The following TRIM37 variants were observed in gnomAD, a reference collection of about 807,000 sequenced individuals.
The protein encoded by TRIM37 is E3 ubiquitin-protein ligase TRIM37.
In TRIM37, 80 loss-of-function variants were observed where a neutral mutation model predicts 129.8. That is an observed-to-expected ratio of 0.62 (90% CI 0.51 to 0.74). The LOEUF is 0.74. Among genes scored for constraint, TRIM37 ranks in the 30% least tolerant of loss-of-function variants. TRIM37 has a pLI of 0.00. For synonymous variants in TRIM37, 389 were observed against 387.1 expected (o/e 1.00, Z -0.06); for missense variants, 1,054 against 1,176.5 (o/e 0.90, Z 1.52).
At chr17:59,025,980 T>TA (rs1364512719) in intron 19 of TRIM37, among the ~76,000 whole-genome samples, 1 of 152,228 alleles carries the variant, frequency 6.6e-6, no homozygotes, top group Non-Finnish European at 1.5e-5. Context: ...TTCCTTATAT[T>TA]AAGAGAATTC....
intron 9 of TRIM37, among the ~76,000 whole-genome samples, chr17:59,064,856 A>T (rs774652468): frequency 2.6e-5 from 4 of 152,232 alleles, no homozygotes; most frequent in Middle Eastern, 3.4e-3. Flanking sequence ...GGTTGCGGTG[A>T]TTCGAGATTG....
downstream of TRIM37, chr17:58,981,164 T>C: frequency 1.5e-6 from 1 of 663,862 alleles, no homozygotes; most frequent in Non-Finnish European, 2.5e-6. Context: ...TAAATGTAAA[T>C]AGATCTCTAG....
the TRIM37 span, chr17:58,969,776 C>T: frequency 5.7e-6 from 9 of 1,570,676 alleles, no homozygotes; most frequent in East Asian, 2.2e-5. Flanking sequence ...TAGCTGAGCT[C>T]AATTTGGTCT....
intron 13 of TRIM37, among the ~76,000 whole-genome samples, chr17:59,055,685 CAAAAAAA>C (rs934273591): frequency 8.4e-5 from 2 of 23,854 alleles, no homozygotes; most frequent in East Asian, 3.0e-3. Flanking sequence ...GACTCCATCT[CAAAAAAA>C]AAAAAAAAAA....
chr17:59,083,811 G>A (rs1235557559), intron 5 of TRIM37, among the ~76,000 whole-genome samples, 191 bp downstream of exon 5: 1 of 152,070 alleles, frequency 6.6e-6, no homozygotes, highest in Admixed American at 6.6e-5. Flanking sequence ...TTTACATAAG[G>A]GGTCCATCAA....
At chr17:59,080,893 A>G (rs2043199227) in intron 6 of TRIM37, among the ~76,000 whole-genome samples, 1 of 152,188 alleles carries the variant, frequency 6.6e-6, no homozygotes, top group South Asian at 2.1e-4. Context: ...TCTGACTCCA[A>G]CTGCTTCCTT....
At chr17:59,041,175 AAC>A (rs2054056516) in intron 17 of TRIM37, among the ~76,000 whole-genome samples, 1 of 152,234 alleles carries the variant, frequency 6.6e-6, no homozygotes, top group Non-Finnish European at 1.5e-5. Context: ...TAGATCCGAG[AAC>A]ACACAAAAAA....
At chr17:59,084,189 T>G in intron 4 of TRIM37, 100 bp from the exon 5 acceptor site, 2 of 885,886 alleles carry the variant, frequency 2.3e-6, no homozygotes, top group Non-Finnish European at 3.6e-6. Flanking sequence ...TTTAAATGAT[T>G]ATATCTCAAG....
In TRIM37 at chr17:59,088,385, G is replaced by C; in HGVS notation, c.187C>G (p.Leu63Val). Residue 63 changes from leucine to valine, a missense_variant, in exon 4 of 24, where the codon CTA becomes GTA. Transcript: ENST00000262294. ...HCRAPLQLRE[L>V]VNCRWAEEVT... is the part of the protein sequence containing the mutation. ...TCTTCTGCCCAACGACAATTTACTA[G>C]TTCTCGTAGCTGGAGTGGAGCACTG... The C allele has an allele frequency of 6.2e-7, 1 of 1,613,014 alleles. No individual in the cohort carries two copies. Among genetic ancestry groups the C allele is most frequent in the Middle Eastern group, 1.6e-4 (1 of 6,062 alleles).
At position 58,998,341 on chromosome 17, in the gene TRIM37, T is replaced by C; in HGVS notation, c.*1036A>G. On this transcript the variant is annotated 3_prime_UTR_variant, in exon 24 of 24. Transcript: ENST00000262294. ...AGTAAAATACAGCAGATGAGATGTC[T>C]CTCACATGTATATTTAATTATTCAT... 1.0e-6 allele frequency: 1 copy of C among 985,416 alleles called. No individual in the cohort carries two copies. Among genetic ancestry groups the C allele is most frequent in the African/African-American group, 1.7e-5 (1 of 57,382 alleles). The allele number at this position is 985,416 out of a possible 1,614,324, so 61.0% of individuals were successfully genotyped here. A position where few individuals can be genotyped will look rare whatever the true frequency, so the allele number is the denominator to read the frequency against.
chr17:59,041,504 T>A (rs1003952358), intron 17 of TRIM37, among the ~76,000 whole-genome samples: 1 of 152,212 alleles, frequency 6.6e-6, no homozygotes, highest in Non-Finnish European at 1.5e-5. Flanking sequence ...ATTTACTAAA[T>A]TGTTAAAAGT....
chr17:59,104,266 C>A, intron 2 of TRIM37, 27 bp downstream of exon 2: 1 of 1,567,318 alleles, frequency 6.4e-7, no homozygotes, highest in Non-Finnish European at 8.8e-7. Context: ...TATATACTAA[C>A]TGCATGTAAA....
At chr17:59,089,425 A>C (rs1288919549) in intron 3 of TRIM37, among the ~76,000 whole-genome samples, 1 of 152,062 alleles carries the variant, frequency 6.6e-6, no homozygotes, top group African/African-American at 2.4e-5. Flanking sequence ...GGTGGATCAC[A>C]AGGTCAGGAG....
At chr17:58,985,987 A>C (rs1287961518) in intron 24 of TRIM37, among the ~76,000 whole-genome samples, 2 of 152,188 alleles carry the variant, frequency 1.3e-5, no homozygotes, top group Non-Finnish European at 2.9e-5. Context: ...ATTCCCTAAA[A>C]TATAGTATTA....
the TRIM37 span, among the ~76,000 whole-genome samples, chr17:58,975,596 A>G: frequency 6.6e-6 from 1 of 152,234 alleles, no homozygotes; most frequent in Non-Finnish European, 1.5e-5. Context: ...GTAGAGGGAA[A>G]TATAAATACA....
chr17:59,106,135 A>C (rs2045965670), intron 1 of TRIM37, among the ~76,000 whole-genome samples: 1 of 152,204 alleles, frequency 6.6e-6, no homozygotes, highest in Non-Finnish European at 1.5e-5. Flanking sequence ...CATCCATCTG[A>C]TGAATCTGCA....
chr17:58,990,796 A>C (rs578155004), intron 24 of TRIM37, among the ~76,000 whole-genome samples: 1 of 151,176 alleles, frequency 6.6e-6, no homozygotes, highest in African/African-American at 2.4e-5. Context: ...GTCTCAAAAA[A>C]AAAAAAAAGA....
intron 24 of TRIM37, among the ~76,000 whole-genome samples, chr17:58,987,016 A>G (rs1157424723): frequency 6.6e-6 from 1 of 152,168 alleles, no homozygotes; most frequent in African/African-American, 2.4e-5. Flanking sequence ...CCTGCCTCTT[A>G]TGCTGAGCTG....
At chr17:58,987,494 A>G (rs2031927187) in intron 24 of TRIM37, among the ~76,000 whole-genome samples, 1 of 152,196 alleles carries the variant, frequency 6.6e-6, no homozygotes, top group African/African-American at 2.4e-5. Context: ...AGCCAGAGAA[A>G]AGGATTTTAG....
Sources: allele counts gnomAD v4.1 joint callset (sites outside exome capture counted in the v4.1 genomes callset), GRCh38; gene constraint gnomAD v4.1.1; transcripts MANE v1.5; gene names NCBI Gene and HGNC (gene_info 2026-07-23, HGNC 2026-07-21).